Variants in PLXNB1 observed in about 807,000 individuals in gnomAD.
PLXNB1 encodes the protein plexin-B1.
In PLXNB1, 106 loss-of-function variants were observed where a neutral mutation model predicts 209.4. That is an observed-to-expected ratio of 0.51 (90% confidence interval 0.43 to 0.59). The LOEUF (loss-of-function observed/expected upper bound fraction) is 0.59. Among genes scored for constraint, PLXNB1 ranks in the 20% least tolerant of loss-of-function variants. PLXNB1 has a pLI of 0.00. For missense variants in PLXNB1, 2,357 were observed against 2,853.2 expected, an observed-to-expected ratio of 0.83 and a Z score of 3.96; for synonymous variants, 1,167 against 1,183.2, an observed-to-expected ratio of 0.99 and a Z score of 0.28.
chr3:48,421,906 G>C, intron 6 of PLXNB1, 100 bp from the exon 7 acceptor site: 1 of 1,501,566 alleles, frequency 6.7e-7, no homozygotes, highest in Non-Finnish European at 8.9e-7. Flanking sequence ...CAGGGCCCTA[G>C]AGTGGGCATG....
chr3:48,424,124 T>G lies in PLXNB1; in HGVS notation c.488A>C (p.Glu163Ala). The G allele has an allele frequency of 6.4e-7, 1 of 1,554,412 alleles. No individual in the cohort carries two copies. Among genetic ancestry groups the G allele is most frequent in the South Asian group, 1.2e-5 (1 of 84,144 alleles). ...TCCTCGCCCCACAAACAGGAGGGGC[T>G]CCCCTGCCAAGCCCTGGGCTACCAG... ...VGLVAQGLAG[E>A]PLLFVGRGYT... Residue 163 changes from glutamate (E) to alanine (A), a missense_variant, in exon 3 of 38, where the codon GAG (glutamate) becomes GCG (alanine). Physicochemically the swap from Glu to Ala is moderately radical, Grantham distance 107 (BLOSUM62 -1). This residue lies in a region of PLXNB1 where 404 missense variants were observed against 443.6 expected (regional missense o/e 0.91). Transcript: ENST00000296440.
Position 48,413,995 on chromosome 3 carries a change from G to C in PLXNB1, c.4286C>G (p.Thr1429Arg). The C allele has an allele frequency of 6.2e-7, 1 of 1,613,840 alleles. No homozygotes were observed. Among genetic ancestry groups the C allele is most frequent in the Non-Finnish European group, 8.5e-7 (1 of 1,179,994 alleles). Reference sequence around the variant, plus strand: ...GCAGTACAGGTGGTGCCGCGTCAGCGTCTTCACCACACAGGGGCCATCCCC... The same window carrying C: ...GCAGTACAGGTGGTGCCGCGTCAGCCTCTTCACCACACAGGGGCCATCCCC... Reference protein sequence around the residue: ...MIGDGPCVVKTLTRHHLYCEP... With the variant: ...MIGDGPCVVKRLTRHHLYCEP... The change falls in exon 22 of 38, where the codon ACG becomes AGG. Residue 1429 changes from threonine to arginine, a missense_variant. Coordinates refer to ENST00000296440, the MANE Select transcript of PLXNB1 (RefSeq NM_001130082.3). This position sits in a 1 kb window ranked among gnomAD's most constrained non-coding sequence, Gnocchi z 5.4.
chr3:48,406,003 G>A lies in PLXNB1; in HGVS notation c.6229-205C>T. The A allele has an allele frequency of 1.9e-6, 1 of 517,198 alleles. No individual in the cohort carries two copies. The allele number at this position is 517,198 out of a possible 1,614,324, so 32.0% of individuals were successfully genotyped here. A position where few individuals can be genotyped will look rare whatever the true frequency, so the allele number is the denominator to read the frequency against. ...CCAGATGGGGACAGAACAGGGTAGAGCAAGGGGGCCTCCTTGGTAGGAAGA... is the reference window on the plus strand; with the variant it reads ...CCAGATGGGGACAGAACAGGGTAGAACAAGGGGGCCTCCTTGGTAGGAAGA... On this transcript the variant is annotated intron_variant, in intron 36 of 37. Transcript: ENST00000296440. The surrounding 1 kb of genome is among the most constrained non-coding windows in gnomAD (Gnocchi z 4.4).
Position 48,413,839 on chromosome 3 carries a change from G to A in PLXNB1, c.4387-21C>T, listed in dbSNP as rs200833658. 1.4e-5 allele frequency: 22 copies of A among 1,611,266 alleles called. 1 individual carries two copies. In the East Asian group the frequency reaches 4.5e-4, roughly 33 times the overall value. On this transcript the variant is annotated intron_variant, in intron 22 of 37. Transcript: ENST00000296440. This position sits in a 1 kb window ranked among gnomAD's most constrained non-coding sequence, Gnocchi z 5.4. ...TGCACCTGTGTCAGGAGCCACCTGT[G>A]AGCAAGGGTTTGGCCCAGGTCAATG... is the stretch of plus-strand genomic sequence containing the variant.
Position 48,415,277 on chromosome 3 carries a change from C to A in PLXNB1, c.3865G>T (p.Val1289Leu), listed in dbSNP as rs746191515. Residue 1289 changes from valine to leucine, a missense_variant, in exon 20 of 38, where the codon GTG becomes TTG. Val to Leu is a conservative substitution (Grantham distance 32). Around this residue, in one of 7 missense-constraint regions of PLXNB1, gnomAD observed 743 missense variants for 896.2 expected, o/e 0.83. Transcript: ENST00000296440. The surrounding 1 kb of genome is among the most constrained non-coding windows in gnomAD (Gnocchi z 5.0). ...VVQTPRIRVTVVSRMLQPSQG... is the reference protein window; with the variant it reads ...VVQTPRIRVTLVSRMLQPSQG... ...CTGGGCTGCAGCATTCTCGAGACCA[C>A]GGTCACCCGGATTCTTGGCGTCTGT... 6.2e-7 allele frequency: 1 copy of A among 1,613,440 alleles called. No homozygotes were observed. Among genetic ancestry groups the A allele is most frequent in the Non-Finnish European group, 8.5e-7 (1 of 1,180,010 alleles).
rs2037625455 is a variant in PLXNB1, at chr3:48,410,732, A to T, written c.5416+136T>A. 4 of 1,004,150 alleles carry T rather than the reference A, an allele frequency of 4.0e-6. No homozygotes were observed. The South Asian group carries it at 4.8e-5, about 12-fold the overall frequency. The allele number at this position is 1,004,150 out of a possible 1,614,324, so 62.2% of individuals were successfully genotyped here. On this transcript the variant is annotated intron_variant, in intron 29 of 37. Coordinates refer to ENST00000296440, the MANE Select transcript of PLXNB1 (RefSeq NM_001130082.3). This position sits in a 1 kb window ranked among gnomAD's most constrained non-coding sequence, Gnocchi z 6.4. ...CCAGATGAGAGGCTGTCCAAGAAAG[A>T]TGTTCCAAAGCCAGCTTCTGCCTGC... is the stretch of plus-strand genomic sequence containing the variant.
In PLXNB1 at chr3:48,416,541, G is replaced by T; in HGVS notation, c.3375-90C>A. ...AGCCCCTCTCCCTGCCCTACTGTCA[G>T]GTGGTCTTCCCCTTCCCATGCTCCA... On this transcript the variant is annotated intron_variant, in intron 16 of 37. Transcript: ENST00000296440. This position sits in a 1 kb window ranked among gnomAD's most constrained non-coding sequence, Gnocchi z 4.1. 1.3e-6 allele frequency: 1 copy of T among 789,336 alleles called. No individual in the cohort carries two copies. The highest frequency in any genetic ancestry group is 2.6e-5 in the East Asian group (1 of 38,818). 48.9% of individuals were successfully genotyped at this position (789,336 alleles called of 1,614,324 possible). A position where few individuals can be genotyped will look rare whatever the true frequency, so the allele number is the denominator to read the frequency against.
chr3:48,419,915 G>A lies in PLXNB1; in HGVS notation c.2371C>T (p.Pro791Ser), dbSNP rs774760301. The A allele has an allele frequency of 6.4e-7, 1 of 1,564,690 alleles. No homozygotes were observed. Among genetic ancestry groups the A allele is most frequent in the Non-Finnish European group, 8.7e-7 (1 of 1,152,418 alleles). Reference protein sequence around the residue: ...SATPEDLLASPLSPSEVAAVP... With the variant: ...SATPEDLLASSLSPSEVAAVP... ...GCTGCTACCTCTGAGGGTGACAGCG[G>A]GGAGGCCAAGAGGTCCTCAGGTGTG... The change falls in exon 11 of 38, where the codon CCG (proline) becomes TCG (serine). Residue 791 changes from proline to serine, a missense_variant. Transcript: ENST00000296440. This position sits in a 1 kb window ranked among gnomAD's most constrained non-coding sequence, Gnocchi z 5.7.
rs778478849 is a variant in PLXNB1, at chr3:48,420,247, A to G, written c.2039T>C (p.Val680Ala). The G allele has an allele frequency of 1.1e-4, 175 of 1,543,204 alleles. No homozygotes were observed. Among genetic ancestry groups the G allele is most frequent in the Non-Finnish European group, 1.5e-4 (173 of 1,143,774 alleles). Residue 680 changes from valine to alanine, a missense_variant, in exon 11 of 38, where the codon GTC (valine) becomes GCC (alanine). Coordinates refer to ENST00000296440, the MANE Select transcript of PLXNB1 (RefSeq NM_001130082.3). Reference protein sequence around the residue: ...PMVASHQSPLVSPDPPARGGP... With the variant: ...PMVASHQSPLASPDPPARGGP... ...ACCTCTTGCAGGAGGGTCTGGGGAG[A>G]CAAGCGGGCTCTGAAGGGGGAGGCA...
In PLXNB1 at chr3:48,409,303, C is replaced by CG. The variant is rs1183011770; in HGVS notation, c.6087+25_6087+26insC. 6.9e-5 allele frequency: 111 copies of CG among 1,613,054 alleles called. No individual in the cohort carries two copies. The highest frequency in any genetic ancestry group is 1.9e-4 in the South Asian group (17 of 91,024). ...AGCACTGTCCACCCTCACCCATCCC[C>CG]CCGTGTCCATCCCAGACTCGCTCAC... On this transcript the variant is annotated intron_variant, in intron 34 of 37. Coordinates refer to ENST00000296440, the MANE Select transcript of PLXNB1 (RefSeq NM_001130082.3). The surrounding 1 kb of genome is among the most constrained non-coding windows in gnomAD (Gnocchi z 5.8).
Position 48,421,236 on chromosome 3 carries a change from C to G in PLXNB1, c.1802G>C (p.Arg601Thr), listed in dbSNP as rs1480007080. 6.2e-7 allele frequency: 1 copy of G among 1,613,190 alleles called. No individual in the cohort carries two copies. Among genetic ancestry groups the G allele is most frequent in the Non-Finnish European group, 8.5e-7 (1 of 1,179,670 alleles). The change falls in exon 8 of 38, where the codon AGA (arginine) becomes ACA (threonine). Residue 601 changes from arginine (R) to threonine (T), a missense_variant. Physicochemically the swap from Arg to Thr is moderately conservative, Grantham distance 71. Coordinates refer to ENST00000296440, the MANE Select transcript of PLXNB1 (RefSeq NM_001130082.3). ...PDPSEAPVLP[R>T]GADYVSVSVE... ...CCCATTCTCTCACCCACCGGCTCCT[C>G]TCGGCAGCACTGGGGCCTCACTAGG...
chr3:48,423,831 A>G lies in PLXNB1; in HGVS notation c.781T>C (p.Tyr261His), dbSNP rs1183214234. 6.2e-7 allele frequency: 1 copy of G among 1,613,866 alleles called. No individual in the cohort carries two copies. Among genetic ancestry groups the G allele is most frequent in the African/African-American group, 1.3e-5 (1 of 74,928 alleles). Residue 261 changes from tyrosine (Y) to histidine (H), a missense_variant, in exon 3 of 38, where the codon TAT (tyrosine) becomes CAT (histidine). Around this residue, in one of 7 missense-constraint regions of PLXNB1, gnomAD observed 404 missense variants for 443.6 expected, o/e 0.91. Coordinates refer to ENST00000296440, the MANE Select transcript of PLXNB1 (RefSeq NM_001130082.3). ...TCGCAGGCCAGAGGCAACTCCACAT[A>G]GGAGTAGTAGTGCTGGTCCCGGAGA... ...VCLRDQHYYSYVELPLACEGG... is the reference protein window; with the variant it reads ...VCLRDQHYYSHVELPLACEGG...
chr3:48,405,033 C>G lies in PLXNB1; in HGVS notation c.6304-443G>C, dbSNP rs763675051. 3.0e-4 allele frequency among the ~76,000 whole-genome samples: 46 copies of G among 152,156 alleles called. No homozygotes were observed. Among genetic ancestry groups the G allele is most frequent in the Non-Finnish European group, 5.4e-4 (37 of 68,034 alleles). On this transcript the variant is annotated intron_variant, in intron 37 of 37. Transcript: ENST00000296440. The surrounding 1 kb of genome is among the most constrained non-coding windows in gnomAD (Gnocchi z 5.0). Reference sequence around the variant, plus strand: ...AAGGGAACCGGTAGGAACCGGAGGGCAGCAGCACTTGGGAAAACAGCTACT... The same window carrying G: ...AAGGGAACCGGTAGGAACCGGAGGGGAGCAGCACTTGGGAAAACAGCTACT...
In PLXNB1 at chr3:48,422,323, G is replaced by A. The variant is rs764034259; in HGVS notation, c.1419+8C>T. Reference sequence around the variant, plus strand: ...GCAGCCATGCCCTGGCTTGTGCCTGGCACTCACTGTGCTCTGGGTCATGAC... The same window carrying A: ...GCAGCCATGCCCTGGCTTGTGCCTGACACTCACTGTGCTCTGGGTCATGAC... On this transcript the variant is annotated splice_region_variant and intron_variant, in intron 5 of 37. Coordinates refer to ENST00000296440, the MANE Select transcript of PLXNB1 (RefSeq NM_001130082.3). 2.5e-6 allele frequency: 4 copies of A among 1,610,874 alleles called. No individual in the cohort carries two copies. The highest frequency in any genetic ancestry group is 2.2e-5 in the South Asian group (2 of 90,484).
chr3:48,422,007 G>A (rs2106938749), intron 6 of PLXNB1, 98 bp downstream of exon 6: 5 of 1,306,076 alleles, frequency 3.8e-6, no homozygotes, highest in Non-Finnish European at 5.5e-6. Flanking sequence ...ATCAGGGGTT[G>A]AGAGTCATGG....
chr3:48,419,241 G>A lies in PLXNB1; in HGVS notation c.2832+3C>T, dbSNP rs2038321489. The A allele has an allele frequency of 1.3e-6, 2 of 1,565,930 alleles. No individual in the cohort carries two copies. The highest frequency in any genetic ancestry group is 1.4e-5 in the African/African-American group (1 of 73,852). ...AGGACAGCGGCAGGCAGGACACACT[G>A]ACCTGGAAAAGGTGCAGGTTCCTGC... On this transcript the variant is annotated splice_donor_region_variant and intron_variant, in intron 12 of 37. Transcript: ENST00000296440. The surrounding 1 kb of genome is among the most constrained non-coding windows in gnomAD (Gnocchi z 5.7).
chr3:48,430,289 A>C (rs931097081), upstream of PLXNB1, among the ~76,000 whole-genome samples: 16 of 152,340 alleles, frequency 1.1e-4, no homozygotes, highest in African/African-American at 3.8e-4. Flanking sequence ...GCAGAGGCGC[A>C]CAAGCAAGGG....
Position 48,413,095 on chromosome 3 carries a change from C to T in PLXNB1, c.4610G>A (p.Arg1537Gln), listed in dbSNP as rs1427018671. 4 of 1,613,790 alleles carry T rather than the reference C, an allele frequency of 2.5e-6. No individual in the cohort carries two copies. The highest frequency in any genetic ancestry group is 1.7e-5 in the Admixed American group (1 of 60,016). ...IQLENLESSV[R>Q]DRCKKEFTDL... ...TGTGAATTCCTTCTTGCAGCGGTCC[C>T]GCACACTGCTCTCCAGATTCTCCAG... Residue 1537 changes from arginine (R) to glutamine (Q), a missense_variant, in exon 24 of 38, where the codon CGG (arginine) becomes CAG (glutamine). Arg to Gln is a conservative substitution (Grantham distance 43). This residue lies in a region of PLXNB1 where 743 missense variants were observed against 896.2 expected (regional missense o/e 0.83). Transcript: ENST00000296440. The surrounding 1 kb of genome is among the most constrained non-coding windows in gnomAD (Gnocchi z 5.4).
chr3:48,412,840 G>C lies in PLXNB1; in HGVS notation c.4756C>G (p.His1586Asp), dbSNP rs1035566146. ...CTCTCAGGCACACCCAGGTCCCGGT[G>C]CAAGGGCGACTCGCGGTGCCCAGGG... ...FFPGHRESPL[H>D]RDLGVPESRR... The change falls in exon 25 of 38, where the codon CAC becomes GAC. Residue 1586 changes from histidine to aspartate, a missense_variant. Transcript: ENST00000296440. The C allele has an allele frequency of 1.9e-6, 3 of 1,613,630 alleles. No individual in the cohort carries two copies. The African/African-American group carries it at 4.0e-5, about 22-fold the overall frequency.
Sources: gnomAD v4.1 joint callset for allele counts (sites outside exome capture counted in the v4.1 genomes callset) on GRCh38, gnomAD v4.1.1 for gene constraint, gnomAD v4.1.1 regional missense constraint, Gnocchi (gnomAD v3.1) non-coding constraint, MANE v1.5 for transcripts, NCBI Gene and HGNC (gene_info 2026-07-23, HGNC 2026-07-21) for gene names.